Variants in KCNQ1 observed in about 807,000 individuals in gnomAD.
KCNQ1 encodes the protein potassium voltage-gated channel subfamily KQT member 1.
In KCNQ1, 49 loss-of-function variants were observed where a neutral mutation model predicts 72.4. The observed-to-expected ratio is 0.68, with a 90% CI of 0.54 to 0.86. The LOEUF (loss-of-function observed/expected upper bound fraction) is 0.86, where lower values mean the gene tolerates loss of function less well. KCNQ1 is among the 40% of genes least tolerant of loss of function. The probability of loss-of-function intolerance (pLI) is 0.00; values close to 1 mark genes in which losing one functional copy is unlikely to be tolerated. For synonymous variants in KCNQ1, 450 were observed against 412.6 expected, an observed-to-expected ratio of 1.09 and a Z score of -1.10; for missense variants, 790 against 945.1, an observed-to-expected ratio of 0.84 and a Z score of 2.15.
At position 2,715,794 on chromosome 11, in the gene KCNQ1, G is replaced by C. The variant is rs1276663973; in HGVS notation, c.1515-53050G>C. 6.6e-6 allele frequency among the ~76,000 whole-genome samples: 1 copy of C among 152,218 alleles called. No homozygotes were observed. The highest frequency in any genetic ancestry group is 1.5e-5 in the Non-Finnish European group (1 of 68,034). Reference sequence around the variant, plus strand: ...CTGTGAGGGTTGACCAGCTGGAGCAGCCCCGCATCCCACATCCCCGCAGCC... The same window carrying C: ...CTGTGAGGGTTGACCAGCTGGAGCACCCCCGCATCCCACATCCCCGCAGCC... On this transcript the variant is annotated intron_variant, in intron 11 of 15. Coordinates refer to ENST00000155840, the MANE Select transcript of KCNQ1 (RefSeq NM_000218.3). This position sits in a 1 kb window ranked among gnomAD's most constrained non-coding sequence, Gnocchi z 4.9.
rs1168195529 is a variant in KCNQ1 at position 2,646,377 on chromosome 11, TG to T, written c.1394-15583del. 9 of 398,534 alleles carry T rather than the reference TG, an allele frequency of 2.3e-5. No individual in the cohort carries two copies. In the Admixed American group the frequency reaches 3.1e-4, roughly 14 times the overall value. 24.7% of individuals were successfully genotyped at this position (398,534 alleles called of 1,614,324 possible). ...AAAATTTTGTAGCCTCTTCAATTAC[TG>T]TTATCAGTATTTTATAGTTTTCATT... On this transcript the variant is annotated intron_variant, in intron 10 of 15. Coordinates refer to ENST00000155840, the MANE Select transcript of KCNQ1 (RefSeq NM_000218.3).
intron 1 of KCNQ1, chr11:2,461,539 G>C (rs990364164): frequency 1.4e-5 from 19 of 1,347,018 alleles, no homozygotes; most frequent in Non-Finnish European, 1.9e-5. Context: ...GTGTAGGATG[G>C]CACTGGTGCC....
chr11:2,666,307 G>A, intron 11 of KCNQ1: 1 of 398,716 alleles, frequency 2.5e-6, no homozygotes, highest in South Asian at 1.3e-4. Context: ...AGGGAAAGCT[G>A]CAGAGACCCC....
chr11:2,693,007 C>G, intron 11 of KCNQ1: 1 of 398,620 alleles, frequency 2.5e-6, no homozygotes, highest in Non-Finnish European at 4.4e-6. Flanking sequence ...TAAGCAAGCA[C>G]GCTCAGTGAA....
At chr11:2,558,279 C>G (rs542324195) in intron 2 of KCNQ1, among the ~76,000 whole-genome samples, 13 of 152,374 alleles carry the variant, frequency 8.5e-5, no homozygotes, top group African/African-American at 3.1e-4. Context: ...TGTTGTCCCC[C>G]ACGTGGATTG....
Position 2,676,642 on chromosome 11 carries a change from T to A in KCNQ1, c.1514+14561T>A. On this transcript the variant is annotated intron_variant, in intron 11 of 15. Transcript: ENST00000155840. This position sits in a 1 kb window ranked among gnomAD's most constrained non-coding sequence, Gnocchi z 4.2. ...ATGGGTAGCTTCACAGATTCACAGATAGATAGTTCATTAAGGTCTTGAGTA... is the reference window on the plus strand; with the variant it reads ...ATGGGTAGCTTCACAGATTCACAGAAAGATAGTTCATTAAGGTCTTGAGTA... The A allele has an allele frequency of 5.0e-6, 2 of 398,644 alleles. No individual in the cohort carries two copies. The highest frequency in any genetic ancestry group is 8.8e-6 in the Non-Finnish European group (2 of 226,074). 24.7% of individuals were successfully genotyped at this position (398,644 alleles called of 1,614,324 possible). A position where few individuals can be genotyped will look rare whatever the true frequency, so the allele number is the denominator to read the frequency against.
intron 2 of KCNQ1, among the ~76,000 whole-genome samples, chr11:2,548,187 G>A (rs1160293452): frequency 6.6e-6 from 1 of 152,190 alleles, no homozygotes; most frequent in African/African-American, 2.4e-5. Context: ...GCTCAGACCC[G>A]AGGTCCCAGG....
intron 10 of KCNQ1, chr11:2,644,791 C>T: frequency 2.5e-6 from 1 of 398,568 alleles, no homozygotes; most frequent in Non-Finnish European, 4.4e-6. Flanking sequence ...AGTGTGATCT[C>T]CATGGAATTT....
rs199472815 is a variant in KCNQ1, at chr11:2,778,024, G to A, written c.1781G>A (p.Arg594Gln). 33 of 1,613,642 alleles carry A rather than the reference G, an allele frequency of 2.0e-5. No homozygotes were observed. Among genetic ancestry groups the A allele is most frequent in the East Asian group, 6.7e-5 (3 of 44,890 alleles). Residue 594 changes from arginine (R) to glutamine (Q), a missense_variant, in exon 15 of 16, where the codon CGA (arginine) becomes CAA (glutamine). This residue lies in a region of KCNQ1 where 91 missense variants were observed against 139.1 expected (regional missense o/e 0.65). Coordinates refer to ENST00000155840, the MANE Select transcript of KCNQ1 (RefSeq NM_000218.3). ...GSNTIGARLN[R>Q]VEDKVTQLDQ... ...AACACGATCGGCGCCCGCCTGAACCGAGTAGAAGACAAGGTAGGCTCACGC... is the reference window on the plus strand; with the variant it reads ...AACACGATCGGCGCCCGCCTGAACCAAGTAGAAGACAAGGTAGGCTCACGC...
rs1357756325 is a variant in KCNQ1 at position 2,536,096 on chromosome 11, C to T, written c.477+8078C>T. 2.0e-5 allele frequency among the ~76,000 whole-genome samples: 3 copies of T among 152,346 alleles called. No individual in the cohort carries two copies. In the East Asian group the frequency reaches 5.8e-4, roughly 29 times the overall value. On this transcript the variant is annotated intron_variant, in intron 2 of 15. Coordinates refer to ENST00000155840, the MANE Select transcript of KCNQ1 (RefSeq NM_000218.3). The surrounding 1 kb of genome is among the most constrained non-coding windows in gnomAD (Gnocchi z 7.4). ...CGCTGCTGTCCCCAGCCACCCAGCC[C>T]CATGCACAGGCCACGCGGCGACAGG...
In KCNQ1 at chr11:2,611,654, A is replaced by C. The variant is rs972630363; in HGVS notation, c.1393+22800A>C. Reference sequence around the variant, plus strand: ...CCATATATATTTGGATCCTGCTTTTAAGGCAGTCTGGCAATCTCTGCTCTT... The same window carrying C: ...CCATATATATTTGGATCCTGCTTTTCAGGCAGTCTGGCAATCTCTGCTCTT... On this transcript the variant is annotated intron_variant, in intron 10 of 15. Transcript: ENST00000155840. This position sits in a 1 kb window ranked among gnomAD's most constrained non-coding sequence, Gnocchi z 5.3. 32 of 398,484 alleles carry C rather than the reference A, an allele frequency of 8.0e-5. No homozygotes were observed. Among genetic ancestry groups the C allele is most frequent in the Middle Eastern group, 6.2e-4 (1 of 1,610 alleles). The allele number at this position is 398,484 out of a possible 1,614,324, so 24.7% of individuals were successfully genotyped here.
chr11:2,637,223 G>C (rs577399690), intron 10 of KCNQ1: 1 of 152,144 alleles, frequency 6.6e-6, no homozygotes, highest in East Asian at 1.9e-4. Flanking sequence ...CCTTCTGCTA[G>C]CTTTTGAATG....
At chr11:2,454,916 A>C (rs1050188003) in intron 1 of KCNQ1, among the ~76,000 whole-genome samples, 1 of 152,204 alleles carries the variant, frequency 6.6e-6, no homozygotes, top group Non-Finnish European at 1.5e-5. Context: ...GGTCCTAGTC[A>C]GAAAAATCAG....
chr11:2,581,983 G>C (rs571914274), intron 6 of KCNQ1, among the ~76,000 whole-genome samples: 2 of 152,340 alleles, frequency 1.3e-5, no homozygotes, highest in South Asian at 2.1e-4. Flanking sequence ...AAGCATCCTG[G>C]CCATAAGCGA....
chr11:2,525,452 G>T lies in KCNQ1; in HGVS notation c.387-2476G>T, dbSNP rs1422547832. ...GTCCCAGAGACAGATGAGAGCAGGG[G>T]TGGTCAGTGTAGGAGCACCCAGAGG... On this transcript the variant is annotated intron_variant, in intron 1 of 15. Transcript: ENST00000155840. Among the ~76,000 whole-genome samples, 7 of 152,262 alleles carry T rather than the reference G, an allele frequency of 4.6e-5. No individual in the cohort carries two copies. In the East Asian group the frequency reaches 1.2e-3, roughly 25 times the overall value.
Position 2,492,790 on chromosome 11 carries a change from T to G in KCNQ1, c.387-35138T>G. On this transcript the variant is annotated intron_variant, in intron 1 of 15. Coordinates refer to ENST00000155840, the MANE Select transcript of KCNQ1 (RefSeq NM_000218.3). This position sits in a 1 kb window ranked among gnomAD's most constrained non-coding sequence, Gnocchi z 4.1. ...TGGGTTGGTTCCAAGTCTTTGCTAT[T>G]GTAAATAGTGGTGCAGTAAACATAT... is the stretch of plus-strand genomic sequence containing the variant. Among the ~76,000 whole-genome samples, 1 of 152,200 alleles carries G rather than the reference T, an allele frequency of 6.6e-6. No homozygotes were observed. The highest frequency in any genetic ancestry group is 1.9e-4 in the East Asian group (1 of 5,206).
rs1307632689 is a variant in KCNQ1, at chr11:2,679,809, AG to A, written c.1514+17732del. 1.5e-5 allele frequency: 6 copies of A among 398,506 alleles called. No homozygotes were observed. Among genetic ancestry groups the A allele is most frequent in the African/African-American group, 1.2e-4 (6 of 48,612 alleles). The allele number at this position is 398,506 out of a possible 1,614,324, so 24.7% of individuals were successfully genotyped here. The stretch of plus-strand genomic sequence containing the variant: ...GCCAGTTGAGGGCTAGAGGAGCACA[AG>A]GGGCCAGACTGCTGCTACTTCTGAA... On this transcript the variant is annotated intron_variant, in intron 11 of 15. Coordinates refer to ENST00000155840, the MANE Select transcript of KCNQ1 (RefSeq NM_000218.3). This position sits in a 1 kb window ranked among gnomAD's most constrained non-coding sequence, Gnocchi z 4.8.
intron 11 of KCNQ1, chr11:2,693,408 T>G (rs1219447412): frequency 2.5e-6 from 1 of 398,566 alleles, no homozygotes; most frequent in African/African-American, 2.1e-5. Flanking sequence ...GGGCCTAAGC[T>G]GGGAATAAGC....
At position 2,463,914 on chromosome 11, in the gene KCNQ1, G is replaced by A. The variant is rs1402273239; in HGVS notation, c.386+18430G>A. On this transcript the variant is annotated intron_variant, in intron 1 of 15. Coordinates refer to ENST00000155840, the MANE Select transcript of KCNQ1 (RefSeq NM_000218.3). This position sits in a 1 kb window ranked among gnomAD's most constrained non-coding sequence, Gnocchi z 7.0. ...GGATCAGGGGGAAGGTTCTCCCCAC[G>A]GTGTGAGGCAGCACCGAGGGCTCCG... Among the ~76,000 whole-genome samples the A allele has an allele frequency of 6.6e-6, 1 of 152,222 alleles. No individual in the cohort carries two copies. Among genetic ancestry groups the A allele is most frequent in the Non-Finnish European group, 1.5e-5 (1 of 68,036 alleles).
Sources: allele counts gnomAD v4.1 joint callset (sites outside exome capture counted in the v4.1 genomes callset), GRCh38; gene constraint gnomAD v4.1.1; regional missense constraint gnomAD v4.1.1; non-coding constraint Gnocchi (gnomAD v3.1); transcripts MANE v1.5; gene names NCBI Gene and HGNC (gene_info 2026-07-23, HGNC 2026-07-21).